The following NR5A2 variants were observed in gnomAD, a reference collection of about 807,000 sequenced individuals.
NR5A2 encodes the protein CYP7A promoter-binding factor.
Under a neutral mutation model 62.7 loss-of-function variants are expected in NR5A2, and 26 were observed. The observed-to-expected ratio is 0.41, with a 90% confidence interval of 0.30 to 0.58. The LOEUF (loss-of-function observed/expected upper bound fraction) is 0.58, where lower values mean the gene tolerates loss of function less well. NR5A2 is among the 20% of genes least tolerant of loss of function. The pLI is 0.22. For missense variants in NR5A2, 541 were observed against 669.1 expected (o/e 0.81, Z 2.11); for synonymous variants, 246 against 241.7 (o/e 1.02, Z -0.16).
At chr1:200,144,814 T>A (rs1667612830) in intron 7 of NR5A2, among the ~76,000 whole-genome samples, 1 of 152,196 alleles carries the variant, frequency 6.6e-6, no homozygotes, top group Admixed American at 6.5e-5. Context: ...ATAAGGAAAT[T>A]GAGCGTGAGT....
At chr1:200,086,595 G>A (rs901273437) in intron 5 of NR5A2, among the ~76,000 whole-genome samples, 32 of 152,156 alleles carry the variant, frequency 2.1e-4, no homozygotes, top group African/African-American at 7.0e-4. Flanking sequence ...GAGCCATTGC[G>A]CCGGCCTGAC....
At chr1:200,111,629 C>T (rs148778296) in intron 6 of NR5A2, among the ~76,000 whole-genome samples, 3 of 152,274 alleles carry the variant, frequency 2.0e-5, no homozygotes, top group Admixed American at 6.5e-5. Flanking sequence ...TCTTTTTCCT[C>T]GAGCTTCTGC....
At position 200,147,698 on chromosome 1, in the gene NR5A2, C is replaced by A; in HGVS notation, c.1379-26265C>A. 1 of 673,534 alleles carries A rather than the reference C, an allele frequency of 1.5e-6. No individual in the cohort carries two copies. The highest frequency in any genetic ancestry group is 2.8e-6 in the Non-Finnish European group (1 of 355,196). 41.7% of individuals were successfully genotyped at this position (673,534 alleles called of 1,614,324 possible). A position where few individuals can be genotyped will look rare whatever the true frequency, so the allele number is the denominator to read the frequency against. ...ACATGGGTGGACTTGGGCTCCGAGG[C>A]GATCTCCTCCAGCTCCTCCCTGAGC... On this transcript the variant is annotated intron_variant, in intron 7 of 7. Transcript: ENST00000367362. The surrounding 1 kb of genome is among the most constrained non-coding windows in gnomAD (Gnocchi z 4.9).
chr1:200,073,608 C>T (rs1197887753), intron 5 of NR5A2, among the ~76,000 whole-genome samples: 6 of 151,786 alleles, frequency 4.0e-5, no homozygotes, highest in African/African-American at 1.5e-4. Context: ...AATTTGTTTT[C>T]CCCAAATACT....
Position 200,174,125 on chromosome 1 carries a change from A to T in NR5A2, c.1541A>T (p.Glu514Val). 6.2e-7 allele frequency: 1 copy of T among 1,613,842 alleles called. No homozygotes were observed. Among genetic ancestry groups the T allele is most frequent in the African/African-American group, 1.3e-5 (1 of 74,938 alleles). Reference sequence around the variant, plus strand: ...ATCCGGGCCATCAGTATGCAGGCTGAAGAATACCTCTACTACAAGCACCTG... The same window carrying T: ...ATCCGGGCCATCAGTATGCAGGCTGTAGAATACCTCTACTACAAGCACCTG... ...PEIRAISMQA[E>V]EYLYYKHLNG... Residue 514 changes from glutamate (E) to valine (V), a missense_variant, in exon 8 of 8, where the codon GAA (glutamate) becomes GTA (valine). This residue lies in a region of NR5A2 where 379 missense variants were observed against 442.0 expected (regional missense o/e 0.86). Transcript: ENST00000367362.
At chr1:200,061,491 T>G (rs1479058090) in intron 5 of NR5A2, among the ~76,000 whole-genome samples, 1 of 152,096 alleles carries the variant, frequency 6.6e-6, no homozygotes, top group East Asian at 1.9e-4. Context: ...TTGGTCAGGC[T>G]GGTCTTGAAC....
At chr1:200,124,057 G>A (rs996016544) in intron 7 of NR5A2, among the ~76,000 whole-genome samples, 1 of 152,056 alleles carries the variant, frequency 6.6e-6, no homozygotes, top group African/African-American at 2.4e-5. Context: ...ACCTGCCTTG[G>A]CCTCTCAAAG....
At chr1:200,055,862 C>T (rs1662888581) in intron 5 of NR5A2, among the ~76,000 whole-genome samples, 1 of 152,208 alleles carries the variant, frequency 6.6e-6, no homozygotes, top group East Asian at 1.9e-4. Flanking sequence ...ACAAAGTTGC[C>T]AGAATGAAAT....
chr1:200,081,550 AG>A (rs1664292726), intron 5 of NR5A2, among the ~76,000 whole-genome samples: 1 of 152,254 alleles, frequency 6.6e-6, no homozygotes, highest in South Asian at 2.1e-4. Flanking sequence ...GCTGATCCAT[AG>A]GAAGCCAAAT....
chr1:200,079,547 G>T (rs181981495), intron 5 of NR5A2, among the ~76,000 whole-genome samples: 9 of 152,338 alleles, frequency 5.9e-5, no homozygotes, highest in Admixed American at 5.2e-4. Flanking sequence ...GCCTAAAACG[G>T]GCATTGGCTT....
intron 5 of NR5A2, among the ~76,000 whole-genome samples, chr1:200,107,240 A>C (rs1665724413): frequency 2.0e-5 from 3 of 152,092 alleles, no homozygotes; most frequent in Admixed American, 1.3e-4. Flanking sequence ...ATACACAGAA[A>C]ACTGCAGAAG....
intron 5 of NR5A2, among the ~76,000 whole-genome samples, chr1:200,051,122 T>A (rs542070554): frequency 6.6e-6 from 1 of 152,062 alleles, no homozygotes; most frequent in South Asian, 2.1e-4. Context: ...AAGTTGGGTA[T>A]AAGGTAAAAA....
In NR5A2 at chr1:200,177,390, A is replaced by C. The variant is rs1179917788; in HGVS notation, c.*3180A>C. 6.6e-6 allele frequency: 1 copy of C among 152,640 alleles called. No homozygotes were observed. The highest frequency in any genetic ancestry group is 1.9e-4 in the East Asian group (1 of 5,196). The allele number at this position is 152,640 out of a possible 1,614,324, so 9.5% of individuals were successfully genotyped here. A position where few individuals can be genotyped will look rare whatever the true frequency, so the allele number is the denominator to read the frequency against. On this transcript the variant is annotated 3_prime_UTR_variant, in exon 8 of 8. Transcript: ENST00000367362. ...GAATTTTTTTTTTCAGTATTTCAAT[A>C]AATATTGATATGCCCAGCCTGATAA...
chr1:200,036,127 G>T (rs1661766894), intron 1 of NR5A2, among the ~76,000 whole-genome samples: 2 of 152,182 alleles, frequency 1.3e-5, no homozygotes, highest in South Asian at 4.1e-4. Flanking sequence ...GCAGACCACC[G>T]CTGGCGCCGG....
At chr1:200,089,105 C>G (rs1457494611) in intron 5 of NR5A2, among the ~76,000 whole-genome samples, 2 of 152,220 alleles carry the variant, frequency 1.3e-5, no homozygotes, top group African/African-American at 4.8e-5. Context: ...TTATGCCATA[C>G]TTTCTCTCGC....
At chr1:200,166,561 T>G (rs1368475603) in intron 7 of NR5A2, among the ~76,000 whole-genome samples, 1 of 152,194 alleles carries the variant, frequency 6.6e-6, no homozygotes, top group Non-Finnish European at 1.5e-5. Context: ...TAACCAGCAC[T>G]TCCCATTCTC....
chr1:200,157,738 A>G (rs1653454690), intron 7 of NR5A2, among the ~76,000 whole-genome samples: 1 of 152,344 alleles, frequency 6.6e-6, no homozygotes, highest in East Asian at 1.9e-4. Flanking sequence ...TTAGGCAACT[A>G]GTTTCCCTTC....
At position 200,039,617 on chromosome 1, in the gene NR5A2, C is replaced by T. The variant is rs769895764; in HGVS notation, c.65-41C>T. 6.2e-7 allele frequency: 1 copy of T among 1,607,428 alleles called. No individual in the cohort carries two copies. On this transcript the variant is annotated intron_variant, in intron 1 of 7. Coordinates refer to ENST00000367362, the MANE Select transcript of NR5A2 (RefSeq NM_205860.3). The surrounding 1 kb of genome is among the most constrained non-coding windows in gnomAD (Gnocchi z 5.1). ...TAGCAGGCATCCCGGTCGCCCCTTC[C>T]TTCTTTTCGCCGGAGTTGAATCTGT...
chr1:200,052,919 C>T (rs533146727), intron 5 of NR5A2, among the ~76,000 whole-genome samples: 23 of 152,338 alleles, frequency 1.5e-4, no homozygotes, highest in East Asian at 9.6e-4. Flanking sequence ...GGATTATAGG[C>T]ATGAGCCACC....
Sources: allele counts gnomAD v4.1 joint callset (sites outside exome capture counted in the v4.1 genomes callset), GRCh38; gene constraint gnomAD v4.1.1; regional missense constraint gnomAD v4.1.1; non-coding constraint Gnocchi (gnomAD v3.1); transcripts MANE v1.5; gene names NCBI Gene and HGNC (gene_info 2026-07-23, HGNC 2026-07-21).